Variants in NUPR1 observed in about 807,000 individuals in gnomAD.
NUPR1 encodes the protein nuclear protein 1.
In NUPR1, 8 loss-of-function variants were observed where a neutral mutation model predicts 7.3. The observed-to-expected ratio is 1.09, with a 90% confidence interval of 0.64 to 1.97. The LOEUF (loss-of-function observed/expected upper bound fraction) is 1.97. NUPR1 is among the 30% of genes most tolerant of loss of function. The probability of loss-of-function intolerance (pLI) is 0.00; values close to 1 mark genes in which losing one functional copy is unlikely to be tolerated. For synonymous variants in NUPR1, 39 were observed against 44.5 expected (o/e 0.88, Z 0.49); for missense variants, 96 against 111.7 (o/e 0.86, Z 0.63).
Position 28,535,249 on chromosome 16 carries a change from C to G in NUPR1, c.*2434G>C, listed in dbSNP as rs1343067231. 6.6e-6 allele frequency: 1 copy of G among 152,176 alleles called. No homozygotes were observed. Among genetic ancestry groups the G allele is most frequent in the Admixed American group, 6.6e-5 (1 of 15,232 alleles). 9.4% of individuals were successfully genotyped at this position (152,176 alleles called of 1,614,324 possible). On this transcript the variant is annotated 3_prime_UTR_variant, in exon 3 of 3. Coordinates refer to ENST00000324873, the MANE Select transcript of NUPR1 (RefSeq NM_012385.3). ...CAAATCCCTTAATATTTCCTTCCCTCCTTTCCTCCTTCCCTCCTTCCCTCC... is the reference window on the plus strand; with the variant it reads ...CAAATCCCTTAATATTTCCTTCCCTGCTTTCCTCCTTCCCTCCTTCCCTCC...
At position 28,534,040 on chromosome 16, in the gene NUPR1, T is replaced by C. The variant is rs960512332; in HGVS notation, c.*3643A>G. The C allele has an allele frequency of 1.3e-5, 2 of 152,036 alleles. No individual in the cohort carries two copies. Among genetic ancestry groups the C allele is most frequent in the East Asian group, 3.9e-4 (2 of 5,152 alleles). The allele number at this position is 152,036 out of a possible 1,614,324, so 9.4% of individuals were successfully genotyped here. On this transcript the variant is annotated 3_prime_UTR_variant, in exon 3 of 3. Transcript: ENST00000324873. ...CCCAGCTACTAGGGAGGCTGAGGCATGAAAATCGCTTGAACCCAGGAAGCG... is the reference window on the plus strand; with the variant it reads ...CCCAGCTACTAGGGAGGCTGAGGCACGAAAATCGCTTGAACCCAGGAAGCG...
rs760877112 is a variant in NUPR1, at chr16:28,538,102, G to A, written c.166C>T (p.Arg56Cys). The change falls in exon 2 of 3, where the codon CGC becomes TGC. Residue 56 changes from arginine to cysteine, a missense_variant. Transcript: ENST00000324873. ...TKREAAANTNRPSPGGHERKL... is the reference protein window; with the variant it reads ...TKREAAANTNCPSPGGHERKL... Reference sequence around the variant, plus strand: ...CTCTCGTGCCCGCCAGGGCTGGGGCGGTTGGTGTTGGCAGCAGCTTCTCTC... The same window carrying A: ...CTCTCGTGCCCGCCAGGGCTGGGGCAGTTGGTGTTGGCAGCAGCTTCTCTC... 21 of 1,614,066 alleles carry A rather than the reference G, an allele frequency of 1.3e-5. No individual in the cohort carries two copies. Among genetic ancestry groups the A allele is most frequent in the African/African-American group, 2.7e-5 (2 of 74,936 alleles).
chr16:28,538,891 G>T lies in NUPR1; in HGVS notation c.17C>A (p.Pro6Gln). Residue 6 changes from proline to glutamine, a missense_variant, in exon 1 of 3, where the codon CCA becomes CAA. Coordinates refer to ENST00000324873, the MANE Select transcript of NUPR1 (RefSeq NM_012385.3). MATFP[P>Q]ATSAPQQPPG... ...GGGCTGCTGGGGGGCGCTGGTTGCT[G>T]GTGGGAAGGTGGCCATCGTGCCTGG... The T allele has an allele frequency of 1.2e-6, 2 of 1,612,922 alleles. No homozygotes were observed. The highest frequency in any genetic ancestry group is 1.7e-5 in the Admixed American group (1 of 59,654).
At position 28,534,421 on chromosome 16, in the gene NUPR1, TG is replaced by T. The variant is rs2046598492; in HGVS notation, c.*3261del. The stretch of plus-strand genomic sequence containing the variant: ...TTCTGTGGATGTCCTTGGGTCCCCA[TG>T]AACCACTGACTCCAAGTTCTGCAGT... On this transcript the variant is annotated 3_prime_UTR_variant, in exon 3 of 3. Coordinates refer to ENST00000324873, the MANE Select transcript of NUPR1 (RefSeq NM_012385.3). 1 of 152,272 alleles carries T rather than the reference TG, an allele frequency of 6.6e-6. No homozygotes were observed. Among genetic ancestry groups the T allele is most frequent in the Non-Finnish European group, 1.5e-5 (1 of 68,080 alleles). 9.4% of individuals were successfully genotyped at this position (152,272 alleles called of 1,614,324 possible).
At chr16:28,538,247 T>A (rs1249906984) in intron 1 of NUPR1, 92 bp from the exon 2 acceptor site, 1 of 1,584,894 alleles carries the variant, frequency 6.3e-7, no homozygotes, top group Admixed American at 1.7e-5. Context: ...GTTGTGGGGA[T>A]GGGAAGAGCA....
rs2046611939 is a variant in NUPR1, at chr16:28,535,584, CTTT to C, written c.*2096_*2098del. 6 of 35,906 alleles carry C rather than the reference CTTT, an allele frequency of 1.7e-4. No individual in the cohort carries two copies. Among genetic ancestry groups the C allele is most frequent in the African/African-American group, 9.5e-4 (6 of 6,324 alleles). 2.2% of individuals were successfully genotyped at this position (35,906 alleles called of 1,614,324 possible). On this transcript the variant is annotated 3_prime_UTR_variant, in exon 3 of 3. Transcript: ENST00000324873. ...CTTTCCTTCCTTCCTTTCTTTCTTT[CTTT>C]CTTTCTTTCTTTCTTTCTTTCTTTC...
At position 28,535,540 on chromosome 16, in the gene NUPR1, T is replaced by TTTCTTTCTTTCTTTCC. The variant is rs1487422180; in HGVS notation, c.*2142_*2143insGGAAAGAAAGAAAGAA. 101 of 65,088 alleles carry TTTCTTTCTTTCTTTCC rather than the reference T, an allele frequency of 1.6e-3. 1 individual carries two copies. Among genetic ancestry groups the TTTCTTTCTTTCTTTCC allele is most frequent in the Non-Finnish European group, 2.4e-3 (71 of 29,140 alleles). 4.0% of individuals were successfully genotyped at this position (65,088 alleles called of 1,614,324 possible). On this transcript the variant is annotated 3_prime_UTR_variant, in exon 3 of 3. Coordinates refer to ENST00000324873, the MANE Select transcript of NUPR1 (RefSeq NM_012385.3). ...CTTTCTTTCTTTCTTTCTTTCTTTC[T>TTTCTTTCTTTCTTTCC]TTCCTTCTTTCTTTCTTTCTTTCCT...
chr16:28,538,534 G>T, intron 1 of NUPR1: 7 of 611,544 alleles, frequency 1.1e-5, no homozygotes, highest in Middle Eastern at 4.3e-4. Flanking sequence ...ACCACTGCAG[G>T]TGGTGTACAC....
Position 28,533,532 on chromosome 16 carries a change from CT to C in NUPR1, c.*4150del, listed in dbSNP as rs2046593939. 6.6e-6 allele frequency: 1 copy of C among 152,326 alleles called. No individual in the cohort carries two copies. Among genetic ancestry groups the C allele is most frequent in the African/African-American group, 2.4e-5 (1 of 41,434 alleles). 9.4% of individuals were successfully genotyped at this position (152,326 alleles called of 1,614,324 possible). The stretch of plus-strand genomic sequence containing the variant: ...GGCCCACAGGCACAAGCCACCACAC[CT>C]GGCTAATTTTTAATTTTTTGTAGAG... On this transcript the variant is annotated 3_prime_UTR_variant, in exon 3 of 3. Coordinates refer to ENST00000324873, the MANE Select transcript of NUPR1 (RefSeq NM_012385.3).
chr16:28,535,586 T>TTTC lies in NUPR1; in HGVS notation c.*2096_*2097insGAA, dbSNP rs1225519169. 2.4e-5 allele frequency: 1 copy of TTTC among 42,418 alleles called. No individual in the cohort carries two copies. Among genetic ancestry groups the TTTC allele is most frequent in the Admixed American group, 2.6e-4 (1 of 3,824 alleles). The allele number at this position is 42,418 out of a possible 1,614,324, so 2.6% of individuals were successfully genotyped here. ...TTCCTTCCTTCCTTTCTTTCTTTCT[T>TTTC]TCTTTCTTTCTTTCTTTCTTTCTTT... On this transcript the variant is annotated 3_prime_UTR_variant, in exon 3 of 3. Transcript: ENST00000324873.
chr16:28,535,778 C>T lies in NUPR1; in HGVS notation c.*1905G>A, dbSNP rs184680198. On this transcript the variant is annotated 3_prime_UTR_variant, in exon 3 of 3. Transcript: ENST00000324873. ...TTGCTCAGGCTGCAGTGCAGTGGCACCATCATGGCTTACTGTAGCCTCCAA... is the reference window on the plus strand; with the variant it reads ...TTGCTCAGGCTGCAGTGCAGTGGCATCATCATGGCTTACTGTAGCCTCCAA... 2.0e-5 allele frequency: 3 copies of T among 151,532 alleles called. No homozygotes were observed. In the Admixed American group the frequency reaches 2.0e-4, roughly 10 times the overall value. 9.4% of individuals were successfully genotyped at this position (151,532 alleles called of 1,614,324 possible). A position where few individuals can be genotyped will look rare whatever the true frequency, so the allele number is the denominator to read the frequency against.
chr16:28,538,033 C>T lies in NUPR1; in HGVS notation c.235G>A (p.Gly79Arg), dbSNP rs756305985. ...KLQNSERKKRGARR is the reference protein window; with the variant it reads ...KLQNSERKKRRARR Reference sequence around the variant, plus strand: ...CCAGCTCTGTCTCAGCGCCGTGCCCCTCGCTTCTTCCTCTCTGAATTCTGC... The same window carrying T: ...CCAGCTCTGTCTCAGCGCCGTGCCCTTCGCTTCTTCCTCTCTGAATTCTGC... Residue 79 changes from glycine (G) to arginine (R), a missense_variant, in exon 2 of 3, where the codon GGG becomes AGG. By Grantham distance (125) the Gly-to-Arg change is moderately radical. Coordinates refer to ENST00000324873, the MANE Select transcript of NUPR1 (RefSeq NM_012385.3). 4 of 1,613,844 alleles carry T rather than the reference C, an allele frequency of 2.5e-6. No individual in the cohort carries two copies. The Admixed American group carries it at 5.0e-5, about 20-fold the overall frequency.
chr16:28,538,753 G>A (rs766331165), intron 1 of NUPR1, 43 bp downstream of exon 1: 14 of 1,445,678 alleles, frequency 9.7e-6, no homozygotes, highest in South Asian at 4.6e-5. Context: ...TCCTGATTTC[G>A]GGAGAGGAGG....
intron 1 of NUPR1, chr16:28,538,378 A>G (rs1246294687): frequency 7.8e-6 from 5 of 640,070 alleles, no homozygotes; most frequent in African/African-American, 7.3e-5. Flanking sequence ...TGAGGGTCCA[A>G]GGAACAGGTT....
chr16:28,535,623 C>CTTTCTTTCTTTCTTTCTTTCTTCTT lies in NUPR1; in HGVS notation c.*2059_*2060insAAGAAGAAAGAAAGAAAGAAAGAAA, dbSNP rs58048043. ...TTCTTTCTTTCTTTCTTTCTTTCTT[C>CTTTCTTTCTTTCTTTCTTTCTTCTT]TCTTTCTCTCTCTTTCTTCTTTTTC... On this transcript the variant is annotated 3_prime_UTR_variant, in exon 3 of 3. Coordinates refer to ENST00000324873, the MANE Select transcript of NUPR1 (RefSeq NM_012385.3). 19 of 90,772 alleles carry CTTTCTTTCTTTCTTTCTTTCTTCTT rather than the reference C, an allele frequency of 2.1e-4. No individual in the cohort carries two copies. The highest frequency in any genetic ancestry group is 3.3e-4 in the Non-Finnish European group (16 of 48,650). 5.6% of individuals were successfully genotyped at this position (90,772 alleles called of 1,614,324 possible).
Position 28,535,239 on chromosome 16 carries a change from TTCCTTCCCTCCTTTCC to T in NUPR1, c.*2428_*2443del, listed in dbSNP as rs2046602378. On this transcript the variant is annotated 3_prime_UTR_variant, in exon 3 of 3. Transcript: ENST00000324873. ...TGAGCTAGGGCAAATCCCTTAATATTTCCTTCCCTCCTTTCCTCCTTCCCTCCTTCCCTCCCTCCTT... is the reference window on the plus strand; with the variant it reads ...TGAGCTAGGGCAAATCCCTTAATATTTCCTTCCCTCCTTCCCTCCCTCCTT... 1 of 152,110 alleles carries T rather than the reference TTCCTTCCCTCCTTTCC, an allele frequency of 6.6e-6. No homozygotes were observed. The highest frequency in any genetic ancestry group is 1.5e-5 in the Non-Finnish European group (1 of 68,036). The allele number at this position is 152,110 out of a possible 1,614,324, so 9.4% of individuals were successfully genotyped here.
rs1429259826 is a variant in NUPR1 at position 28,535,584 on chromosome 16, C to CTTTTCTCTTTCTTTCT, written c.*2098_*2099insAGAAAGAAAGAGAAAA. 2.8e-5 allele frequency: 1 copy of CTTTTCTCTTTCTTTCT among 35,908 alleles called. No homozygotes were observed. Among genetic ancestry groups the CTTTTCTCTTTCTTTCT allele is most frequent in the Non-Finnish European group, 4.6e-5 (1 of 21,510 alleles). The allele number at this position is 35,908 out of a possible 1,614,324, so 2.2% of individuals were successfully genotyped here. On this transcript the variant is annotated 3_prime_UTR_variant, in exon 3 of 3. Transcript: ENST00000324873. ...CTTTCCTTCCTTCCTTTCTTTCTTTCTTTCTTTCTTTCTTTCTTTCTTTCT... is the reference window on the plus strand; with the variant it reads ...CTTTCCTTCCTTCCTTTCTTTCTTTCTTTTCTCTTTCTTTCTTTTCTTTCTTTCTTTCTTTCTTTCT...
At position 28,538,044 on chromosome 16, in the gene NUPR1, C is replaced by A; in HGVS notation, c.224G>T (p.Arg75Met). Residue 75 changes from arginine (R) to methionine (M), a missense_variant, in exon 2 of 3, where the codon AGG becomes ATG. By Grantham distance (91) the Arg-to-Met change is moderately conservative (BLOSUM62 -1). Coordinates refer to ENST00000324873, the MANE Select transcript of NUPR1 (RefSeq NM_012385.3). ...KLVTKLQNSE[R>M]KKRGARR Reference sequence around the variant, plus strand: ...TCAGCGCCGTGCCCCTCGCTTCTTCCTCTCTGAATTCTGCAGCTTGGTCAC... The same window carrying A: ...TCAGCGCCGTGCCCCTCGCTTCTTCATCTCTGAATTCTGCAGCTTGGTCAC... The A allele has an allele frequency of 6.2e-7, 1 of 1,614,026 alleles. No homozygotes were observed. The highest frequency in any genetic ancestry group is 8.5e-7 in the Non-Finnish European group (1 of 1,179,934).
rs2046635705 is a variant in NUPR1, at chr16:28,537,988, G to A, written c.*13+18C>T. On this transcript the variant is annotated intron_variant, in intron 2 of 2. Coordinates refer to ENST00000324873, the MANE Select transcript of NUPR1 (RefSeq NM_012385.3). ...CAGAAGCACCACCTTGAGCTCTCTGGGCCCCCCGACTCCTTACCTCCAGCT... is the reference window on the plus strand; with the variant it reads ...CAGAAGCACCACCTTGAGCTCTCTGAGCCCCCCGACTCCTTACCTCCAGCT... 6.3e-7 allele frequency: 1 copy of A among 1,593,310 alleles called. No homozygotes were observed. The highest frequency in any genetic ancestry group is 1.7e-5 in the Admixed American group (1 of 59,120).
Sources: allele counts gnomAD v4.1 joint callset, GRCh38; gene constraint gnomAD v4.1.1; transcripts MANE v1.5; gene names NCBI Gene and HGNC (gene_info 2026-07-23, HGNC 2026-07-21).